Variants in ZBP1 observed in about 807,000 individuals in gnomAD.
The protein encoded by ZBP1 is Z-DNA-binding protein 1.
A neutral mutation model predicts 41.1 loss-of-function variants in ZBP1; 42 were observed. The ratio of observed to expected loss-of-function variants is 1.02; its 90% CI spans 0.80 to 1.32. ZBP1 has a LOEUF of 1.32. ZBP1 is among the 40% of genes most tolerant of loss of function. ZBP1 has a pLI of 0.00. For missense variants in ZBP1, 562 were observed against 549.7 expected (o/e 1.02, Z -0.22); for synonymous variants, 214 against 205.2 (o/e 1.04, Z -0.37).
At chr20:57,618,894 T>C (rs753413105) in intron 1 of ZBP1, among the ~76,000 whole-genome samples, 2 of 152,206 alleles carry the variant, frequency 1.3e-5, no homozygotes, top group Non-Finnish European at 2.9e-5. Flanking sequence ...GTTTTGATTC[T>C]GGAAGGCTGA....
Position 57,616,351 on chromosome 20 carries a change from C to T in ZBP1, c.152G>A (p.Arg51Gln), listed in dbSNP as rs142665294. The change falls in exon 2 of 8, where the codon CGA becomes CAA. Residue 51 changes from arginine (R) to glutamine (Q), a missense_variant. Coordinates refer to ENST00000371173, the MANE Select transcript of ZBP1 (RefSeq NM_030776.3). ...GGAGACTTTCAACTCCTTTTTCATT[C>T]GGTAGAGGACTTGGTTGAGCTCCCT... ...PKRELNQVLY[R>Q]MKKELKVSLT... The T allele has an allele frequency of 7.1e-4, 1,151 of 1,614,200 alleles. 9 individuals carry two copies. The African/African-American group carries it at 0.013, about 18-fold the overall frequency.
Position 57,610,080 on chromosome 20 carries a change from A to G in ZBP1, c.1093+69T>C. The G allele has an allele frequency of 2.1e-6, 3 of 1,458,410 alleles. No individual in the cohort carries two copies. Among genetic ancestry groups the G allele is most frequent in the Non-Finnish European group, 2.9e-6 (3 of 1,048,270 alleles). The allele number at this position is 1,458,410 out of a possible 1,614,324, so 90.3% of individuals were successfully genotyped here. ...ATTAGCGAATGATCGATGAGAGTGAATGAATGAATGAGTGGAAGGTGGGGA... is the reference window on the plus strand; with the variant it reads ...ATTAGCGAATGATCGATGAGAGTGAGTGAATGAATGAGTGGAAGGTGGGGA... On this transcript the variant is annotated intron_variant, in intron 7 of 7. Transcript: ENST00000371173. The surrounding 1 kb of genome is among the most constrained non-coding windows in gnomAD (Gnocchi z 5.5).
chr20:57,604,537 C>G lies in ZBP1; in HGVS notation c.*36G>C, dbSNP rs371194163. The G allele has an allele frequency of 3.1e-6, 5 of 1,606,792 alleles. No individual in the cohort carries two copies. The African/African-American group carries it at 4.0e-5, about 13-fold the overall frequency. ...CTAGTCTCCCTAGCATGCGCCCACC[C>G]CCAGCCTGTGTCCAAGCCCCACGTG... On this transcript the variant is annotated 3_prime_UTR_variant, in exon 8 of 8. Coordinates refer to ENST00000371173, the MANE Select transcript of ZBP1 (RefSeq NM_030776.3).
chr20:57,614,036 T>C (rs1158712666), intron 4 of ZBP1, among the ~76,000 whole-genome samples: 1 of 152,204 alleles, frequency 6.6e-6, no homozygotes, highest in Non-Finnish European at 1.5e-5. Context: ...AAATTTTATT[T>C]TATTTTATTT....
At chr20:57,608,962 C>A in intron 7 of ZBP1, among the ~76,000 whole-genome samples, 1 of 152,214 alleles carries the variant, frequency 6.6e-6, no homozygotes, top group Admixed American at 6.5e-5. Flanking sequence ...AGCGGAAATC[C>A]GCCTTCTAAT....
intron 4 of ZBP1, among the ~76,000 whole-genome samples, chr20:57,614,628 A>G (rs1188517485): frequency 6.6e-6 from 1 of 152,170 alleles, no homozygotes; most frequent in Non-Finnish European, 1.5e-5. Context: ...AGCTGAGAAC[A>G]TTGGGAATGG....
At chr20:57,615,817 TG>T (rs1363057847) in intron 2 of ZBP1, 45 of 553,968 alleles carry the variant, frequency 8.1e-5, no homozygotes, top group African/African-American at 3.5e-4. Flanking sequence ...GTGTGAGGGC[TG>T]GGTGAACCCC....
At chr20:57,615,149 G>A in intron 3 of ZBP1, 89 bp from the exon 4 acceptor site, 1 of 1,391,320 alleles carries the variant, frequency 7.2e-7, no homozygotes, top group Non-Finnish European at 1.0e-6. Flanking sequence ...CCTGGACCCA[G>A]CCCCTCAAGG....
chr20:57,616,495 G>T, intron 1 of ZBP1, 27 bp from the exon 2 acceptor site: 1 of 1,610,414 alleles, frequency 6.2e-7, no homozygotes. Context: ...GGGACAGAGA[G>T]GGGAACTGAG....
rs998380867 is a variant in ZBP1, at chr20:57,613,696, G to A, written c.503-366C>T. Among the ~76,000 whole-genome samples the A allele has an allele frequency of 6.6e-6, 1 of 152,236 alleles. No homozygotes were observed. Among genetic ancestry groups the A allele is most frequent in the Admixed American group, 6.5e-5 (1 of 15,282 alleles). The stretch of plus-strand genomic sequence containing the variant: ...CATTGCCCTTTTCCCTTGAGTAATG[G>A]CCGAGAAACAGCAGCCCATTGGGCC... On this transcript the variant is annotated intron_variant, in intron 4 of 7. Coordinates refer to ENST00000371173, the MANE Select transcript of ZBP1 (RefSeq NM_030776.3). The surrounding 1 kb of genome is among the most constrained non-coding windows in gnomAD (Gnocchi z 4.5).
intron 6 of ZBP1, among the ~76,000 whole-genome samples, chr20:57,611,504 G>T (rs926446691): frequency 2.8e-5 from 4 of 141,724 alleles, no homozygotes; most frequent in Admixed American, 1.5e-4. Context: ...TGATCCACCC[G>T]CTTTGGCTTC....
Position 57,613,677 on chromosome 20 carries a change from C to T in ZBP1, c.503-347G>A, listed in dbSNP as rs974259488. Among the ~76,000 whole-genome samples, 7 of 152,254 alleles carry T rather than the reference C, an allele frequency of 4.6e-5. No individual in the cohort carries two copies. Among genetic ancestry groups the T allele is most frequent in the Non-Finnish European group, 7.3e-5 (5 of 68,044 alleles). On this transcript the variant is annotated intron_variant, in intron 4 of 7. Transcript: ENST00000371173. This position sits in a 1 kb window ranked among gnomAD's most constrained non-coding sequence, Gnocchi z 4.5. ...GACCCCCGAGCACCTGCACCATTGC[C>T]CTTTTCCCTTGAGTAATGGCCGAGA... is the stretch of plus-strand genomic sequence containing the variant.
At chr20:57,607,278 C>T in intron 7 of ZBP1, 1 of 1,300,978 alleles carries the variant, frequency 7.7e-7, no homozygotes, top group Middle Eastern at 2.1e-4. Flanking sequence ...TTGAGGGGTT[C>T]AAGACTTCAG....
chr20:57,610,186 G>A lies in ZBP1; in HGVS notation c.1056C>T (p.Val352=), dbSNP rs138079392. Residue 352 remains valine (V), a synonymous_variant, in exon 7 of 8, where the codon GTC becomes GTT. Coordinates refer to ENST00000371173, the MANE Select transcript of ZBP1 (RefSeq NM_030776.3). The surrounding 1 kb of genome is among the most constrained non-coding windows in gnomAD (Gnocchi z 5.5). ...ISPGVAGPGG[V]AGSGEGEPGE... The stretch of plus-strand genomic sequence containing the variant: ...CTGGCTCCCCCTCTCCAGACCCTGC[G>A]ACTCCTCCTGGGCCAGCCACCCCTG... 197 of 1,613,950 alleles carry A rather than the reference G, an allele frequency of 1.2e-4. 1 individual carries two copies. The highest frequency in any genetic ancestry group is 3.3e-4 in the Middle Eastern group (2 of 6,062).
intron 6 of ZBP1, 81 bp downstream of exon 6, chr20:57,611,646 C>G (rs890670366): frequency 9.1e-5 from 130 of 1,434,808 alleles, no homozygotes; most frequent in Non-Finnish European, 1.2e-4. Context: ...CTTCTCTTCC[C>G]AAAAAGATTC....
At chr20:57,606,546 C>T (rs536369083) in intron 7 of ZBP1, among the ~76,000 whole-genome samples, 2 of 152,334 alleles carry the variant, frequency 1.3e-5, no homozygotes, top group African/African-American at 4.8e-5. Flanking sequence ...AAAAAGATGT[C>T]ATCTAGAACT....
At chr20:57,608,818 A>G (rs954490485) in intron 7 of ZBP1, among the ~76,000 whole-genome samples, 35 of 152,354 alleles carry the variant, frequency 2.3e-4, no homozygotes, top group Admixed American at 2.1e-3. Context: ...CTGGACTTCC[A>G]GGACATGCAT....
At position 57,616,312 on chromosome 20, in the gene ZBP1, G is replaced by T; in HGVS notation, c.191C>A (p.Ala64Asp). Residue 64 changes from alanine (A) to aspartate (D), a missense_variant, in exon 2 of 8, where the codon GCC (alanine) becomes GAC (aspartate). By Grantham distance (126) the Ala-to-Asp change is moderately radical. Transcript: ENST00000371173. Reference sequence around the variant, plus strand: ...ATCAGTCCCGCCCAAGCACCAGGTGGCAGGGGATGTGAGGGAGACTTTCAA... The same window carrying T: ...ATCAGTCCCGCCCAAGCACCAGGTGTCAGGGGATGTGAGGGAGACTTTCAA... ...KELKVSLTSP[A>D]TWCLGGTDPE... is the part of the protein sequence containing the mutation. The T allele has an allele frequency of 6.2e-7, 1 of 1,614,206 alleles. No individual in the cohort carries two copies. The highest frequency in any genetic ancestry group is 8.5e-7 in the Non-Finnish European group (1 of 1,180,042).
Position 57,610,473 on chromosome 20 carries a change from G to A in ZBP1, c.875-106C>T. 1 of 1,188,940 alleles carries A rather than the reference G, an allele frequency of 8.4e-7. No homozygotes were observed. Among genetic ancestry groups the A allele is most frequent in the Admixed American group, 1.9e-5 (1 of 52,912 alleles). 73.6% of individuals were successfully genotyped at this position (1,188,940 alleles called of 1,614,324 possible). Reference sequence around the variant, plus strand: ...CCTCCTCCCCAGATCTCCCACCAGTGGCCCACACCATCCCAGGAGCACAGC... The same window carrying A: ...CCTCCTCCCCAGATCTCCCACCAGTAGCCCACACCATCCCAGGAGCACAGC... On this transcript the variant is annotated intron_variant, in intron 6 of 7. Transcript: ENST00000371173. The surrounding 1 kb of genome is among the most constrained non-coding windows in gnomAD (Gnocchi z 5.5).
Sources: allele counts gnomAD v4.1 joint callset (sites outside exome capture counted in the v4.1 genomes callset), GRCh38; gene constraint gnomAD v4.1.1; non-coding constraint Gnocchi (gnomAD v3.1); transcripts MANE v1.5; gene names NCBI Gene and HGNC (gene_info 2026-07-23, HGNC 2026-07-21).